The following PHF8 variants were observed in gnomAD, a reference collection of about 807,000 sequenced individuals.
PHF8 encodes the protein histone lysine demethylase PHF8.
Under a neutral mutation model 74.4 loss-of-function variants are expected in PHF8, and 9 were observed. The ratio of observed to expected loss-of-function variants is 0.12; its 90% CI spans 0.07 to 0.21. The LOEUF (loss-of-function observed/expected upper bound fraction) is 0.21, where lower values mean the gene tolerates loss of function less well. Ranked by LOEUF, PHF8 falls within the 10% of genes least tolerant of loss-of-function variation. The pLI, the probability that PHF8 is intolerant of heterozygous loss-of-function variation, is 1.00. For synonymous variants in PHF8, 311 were observed against 316.6 expected, an observed-to-expected ratio of 0.98 and a Z score of 0.19; for missense variants, 478 against 816.6, an observed-to-expected ratio of 0.59 and a Z score of 5.05.
At chrX:54,024,358 A>C (rs1557110906) in intron 2 of PHF8, among the ~76,000 whole-genome samples, 2 of 112,078 alleles carry the variant, frequency 1.8e-5, no homozygotes, top group Non-Finnish European at 1.9e-5. Flanking sequence ...TCCGGACCTC[A>C]CCTTTCACCT....
chrX:54,011,036 TA>T, intron 8 of PHF8, 85 bp downstream of exon 8: 1 of 824,851 alleles, frequency 1.2e-6, no homozygotes, highest in Non-Finnish European at 1.8e-6. Flanking sequence ...ACATCCCACG[TA>T]ATCAGATTAA....
At chrX:54,018,606 C>A (rs782080204) in intron 4 of PHF8, among the ~76,000 whole-genome samples, 1 of 109,731 alleles carries the variant, frequency 9.1e-6, no homozygotes, top group African/African-American at 3.3e-5. Flanking sequence ...TAAGCTCAAG[C>A]TCAATGCCTA....
intron 18 of PHF8, among the ~76,000 whole-genome samples, chrX:53,966,250 CCT>C (rs1739530474): frequency 2.7e-5 from 3 of 111,606 alleles, no homozygotes; most frequent in South Asian, 3.8e-4. Flanking sequence ...TCTCCCTCTC[CCT>C]CTCTTTCCAC....
chrX:54,001,373 G>C (rs2065825276), intron 10 of PHF8, among the ~76,000 whole-genome samples: 1 of 109,968 alleles, frequency 9.1e-6, no homozygotes, highest in South Asian at 4.0e-4. Context: ...GCCGAGTGTG[G>C]TGGCGGGTGT....
Position 53,940,169 on chromosome X carries a change from G to A in PHF8, c.2986+11C>T, listed in dbSNP as rs1557082964. The A allele has an allele frequency of 5.2e-6, 6 of 1,148,372 alleles. No homozygotes were observed. Among genetic ancestry groups the A allele is most frequent in the Non-Finnish European group, 3.5e-6 (3 of 854,778 alleles). The allele number at this position is 1,148,372 out of a possible 1,213,427, so 94.6% of individuals were successfully genotyped here. On this transcript the variant is annotated intron_variant, in intron 21 of 21. Transcript: ENST00000338154. ...AGATCCTTCGGTTCTACAACCATAT[G>A]GCCGTTGTACCTTGTCCTGCCTGAT...
At chrX:53,958,353 A>G (rs1401789690) in intron 19 of PHF8, among the ~76,000 whole-genome samples, 1 of 108,564 alleles carries the variant, frequency 9.2e-6, no homozygotes, top group Non-Finnish European at 1.9e-5. Context: ...ATGTATTCTT[A>G]AGAGAGAAAA....
In PHF8 at chrX:53,987,108, A is replaced by C. The variant is rs782664034; in HGVS notation, c.1965T>G (p.Arg655=). 1 of 1,204,229 alleles carries C rather than the reference A, an allele frequency of 8.3e-7. No individual in the cohort carries two copies. Among genetic ancestry groups the C allele is most frequent in the East Asian group, 3.0e-5 (1 of 33,809 alleles). Residue 655 remains arginine (R), a synonymous_variant, in exon 16 of 22, where the codon CGT becomes CGG. Coordinates refer to ENST00000338154, the MANE Select transcript of PHF8 (RefSeq NM_015107.3). ...AKPCSDPNRV[R]EPGEVEFDIE... Reference sequence around the variant, plus strand: ...TGTCAAACTCAACTTCTCCTGGTTCACGAACTCGGTTGGGGTCAGAGCAAG... The same window carrying C: ...TGTCAAACTCAACTTCTCCTGGTTCCCGAACTCGGTTGGGGTCAGAGCAAG...
intron 2 of PHF8, among the ~76,000 whole-genome samples, chrX:54,034,095 G>T (rs1281894169): frequency 9.0e-6 from 1 of 111,444 alleles, no homozygotes; most frequent in Non-Finnish European, 1.9e-5. Context: ...ACAGAGAAAA[G>T]AATCAGTAAG....
Position 53,966,989 on chromosome X carries a change from C to T in PHF8, c.2444-4050G>A, listed in dbSNP as rs1218552162. 6.2e-5 allele frequency among the ~76,000 whole-genome samples: 6 copies of T among 97,391 alleles called. No homozygotes were observed. In the South Asian group the frequency reaches 1.4e-3, roughly 22 times the overall value. 84.6% of individuals were successfully genotyped at this position (97,391 alleles called of 115,157 possible). On this transcript the variant is annotated intron_variant, in intron 18 of 21. Transcript: ENST00000338154. ...CCATCTGGGAAGGGAGGAGACCCTC[C>T]GCCTGGCAACCGCCCCATCTGAGAA... is the stretch of plus-strand genomic sequence containing the variant.
intron 14 of PHF8, among the ~76,000 whole-genome samples, chrX:53,992,076 CGTGCATACATATACACAT>C (rs2065674949): frequency 8.9e-6 from 1 of 112,069 alleles, no homozygotes; most frequent in African/African-American, 3.2e-5. Context: ...CTTTTCCATA[CGTGCATACATATACACAT>C]GTGCATACAT....
intron 18 of PHF8, among the ~76,000 whole-genome samples, chrX:53,967,315 T>G (rs1219002548): frequency 2.4e-4 from 12 of 50,339 alleles, no homozygotes; most frequent in East Asian, 6.1e-4. Context: ...GGGAGGGAGG[T>G]GGGGGGGTCA....
intron 6 of PHF8, 141 bp from the exon 7 acceptor site, chrX:54,014,704 G>T: frequency 2.0e-6 from 1 of 495,636 alleles, no homozygotes; most frequent in Non-Finnish European, 3.6e-6. Flanking sequence ...AGGCACATAG[G>T]ACACTTATTT....
chrX:54,041,388 TA>T (rs370388675), intron 2 of PHF8, among the ~76,000 whole-genome samples: 711 of 43,424 alleles, frequency 0.016, 8 homozygotes, highest in African/African-American at 0.047. Context: ...TTGTCTCAAA[TA>T]AAAAAAAAAA....
At chrX:53,985,405 T>C (rs1172529223) in intron 17 of PHF8, among the ~76,000 whole-genome samples, 178 bp from the exon 18 acceptor site, 1 of 111,712 alleles carries the variant, frequency 9.0e-6, no homozygotes, top group Non-Finnish European at 1.9e-5. Context: ...GACAGTATCA[T>C]AGATTGCTTT....
intron 12 of PHF8, chrX:53,995,035 T>C (rs986266924): frequency 3.5e-6 from 1 of 287,560 alleles, no homozygotes; most frequent in Admixed American, 4.6e-5. Flanking sequence ...GAAAGGTTGA[T>C]GTTATCCTCA....
intron 19 of PHF8, among the ~76,000 whole-genome samples, chrX:53,955,328 C>T (rs2064996609): frequency 1.8e-5 from 2 of 110,793 alleles, no homozygotes; most frequent in South Asian, 7.6e-4. Context: ...ATCCTCCCAT[C>T]TTACCTTTCC....
chrX:54,027,316 G>T (rs917115576), intron 2 of PHF8, among the ~76,000 whole-genome samples: 36 of 109,037 alleles, frequency 3.3e-4, no homozygotes. Flanking sequence ...GCTTAAAAAT[G>T]AAGTAAATAA....
At chrX:53,979,211 T>C (rs1331157894) in intron 18 of PHF8, among the ~76,000 whole-genome samples, 1 of 110,951 alleles carries the variant, frequency 9.0e-6, no homozygotes, top group Admixed American at 9.6e-5. Flanking sequence ...TGAAGTCCTG[T>C]CTCAACTAAA....
At chrX:53,982,254 T>C (rs188454104) in intron 18 of PHF8, among the ~76,000 whole-genome samples, 6 of 112,609 alleles carry the variant, frequency 5.3e-5, no homozygotes, top group African/African-American at 1.6e-4. Context: ...TTGGTGAGCA[T>C]CTGTGGTCTC....
Sources: gnomAD v4.1 joint callset for allele counts (sites outside exome capture counted in the v4.1 genomes callset) on GRCh38, gnomAD v4.1.1 for gene constraint, MANE v1.5 for transcripts, NCBI Gene and HGNC (gene_info 2026-07-23, HGNC 2026-07-21) for gene names.